The following NME7 variants were observed in gnomAD, a reference collection of about 807,000 sequenced individuals.
The protein encoded by NME7 is NME/NM23 family member 7, also known as nucleoside diphosphate kinase 7.
NME7 carries 41 observed loss-of-function variants against 49.1 expected under a neutral mutation model. That is an observed-to-expected ratio of 0.83 (90% confidence interval 0.65 to 1.08). NME7 has a LOEUF of 1.08. Among genes scored for constraint, NME7 ranks in the 50% least tolerant of loss-of-function variants. The pLI is 0.00. For synonymous variants in NME7, 139 were observed against 150.6 expected, an observed-to-expected ratio of 0.92 and a Z score of 0.56; for missense variants, 423 against 463.4, an observed-to-expected ratio of 0.91 and a Z score of 0.80.
chr1:169,294,309 A>C (rs1219347233), intron 6 of NME7, among the ~76,000 whole-genome samples: 1 of 152,170 alleles, frequency 6.6e-6, no homozygotes, highest in East Asian at 1.9e-4. Context: ...GAAGGAAGAA[A>C]AACCAATTAG....
intron 7 of NME7, among the ~76,000 whole-genome samples, chr1:169,258,346 CA>C (rs200814239): frequency 0.029 from 2,652 of 91,490 alleles, 213 homozygotes; most frequent in African/African-American, 0.085. Flanking sequence ...GACCTTGTCT[CA>C]AAAAAAATAA....
intron 11 of NME7, among the ~76,000 whole-genome samples, chr1:169,153,251 G>A (rs1225293029): frequency 6.6e-6 from 1 of 152,006 alleles, no homozygotes; most frequent in Non-Finnish European, 1.5e-5. Context: ...CATAGTACCT[G>A]GTATATATTG....
intron 7 of NME7, among the ~76,000 whole-genome samples, chr1:169,272,582 A>G (rs1405147351): frequency 7.6e-6 from 1 of 131,616 alleles, no homozygotes; most frequent in Non-Finnish European, 1.8e-5. Context: ...TGCTGAGGAT[A>G]ATGGCTTCCA....
chr1:169,260,852 T>C lies in NME7; in HGVS notation c.755-23165A>G, dbSNP rs1353412130. Among the ~76,000 whole-genome samples the C allele has an allele frequency of 1.5e-5, 2 of 134,010 alleles. 1 individual carries two copies. Among genetic ancestry groups the C allele is most frequent in the Non-Finnish European group, 3.5e-5 (2 of 56,946 alleles). 87.9% of individuals were successfully genotyped at this position (134,010 alleles called of 152,430 possible). On this transcript the variant is annotated intron_variant, in intron 7 of 11. Coordinates refer to ENST00000367811, the MANE Select transcript of NME7 (RefSeq NM_013330.5). Reference sequence around the variant, plus strand: ...AGTTACCATGAGTTCTAAAATGGCATGGTCCTCTAACAGACAAGTGAATGA... The same window carrying C: ...AGTTACCATGAGTTCTAAAATGGCACGGTCCTCTAACAGACAAGTGAATGA...
intron 1 of NME7, among the ~76,000 whole-genome samples, chr1:169,336,728 T>C (rs1258382147): frequency 2.7e-5 from 4 of 149,086 alleles, no homozygotes; most frequent in Non-Finnish European, 5.9e-5. Flanking sequence ...AGATACAGAG[T>C]GTCCATTGGT....
intron 3 of NME7, among the ~76,000 whole-genome samples, chr1:169,315,216 T>C (rs964995865): frequency 4.6e-5 from 7 of 151,972 alleles, no homozygotes; most frequent in African/African-American, 1.7e-4. Context: ...TATAAAACTA[T>C]ACAAAACAAC....
intron 1 of NME7, among the ~76,000 whole-genome samples, chr1:169,350,404 T>C (rs1217283372): frequency 6.6e-6 from 1 of 152,024 alleles, no homozygotes; most frequent in African/African-American, 2.4e-5. Context: ...TCTTTGAAAG[T>C]AGATGGATCC....
intron 10 of NME7, among the ~76,000 whole-genome samples, chr1:169,207,447 T>C (rs1189733319): frequency 6.6e-6 from 1 of 152,062 alleles, no homozygotes; most frequent in African/African-American, 2.4e-5. Context: ...TAGGGGTCTG[T>C]AGACATCAGG....
At chr1:169,199,496 T>G (rs1347239530) in intron 10 of NME7, among the ~76,000 whole-genome samples, 5 of 147,422 alleles carry the variant, frequency 3.4e-5, no homozygotes, top group African/African-American at 1.2e-4. Context: ...ATTATTATTT[T>G]TAAATTGAGA....
intron 6 of NME7, among the ~76,000 whole-genome samples, chr1:169,293,457 C>T (rs1650591460): frequency 6.6e-6 from 1 of 152,110 alleles, no homozygotes; most frequent in Non-Finnish European, 1.5e-5. Context: ...ACTAATCAAT[C>T]TATCCCTTGT....
chr1:169,274,741 T>C (rs1048236841), intron 7 of NME7, among the ~76,000 whole-genome samples: 2 of 133,834 alleles, frequency 1.5e-5, no homozygotes, highest in South Asian at 2.3e-4. Context: ...TCCCATTGCT[T>C]GTTTTTCTCA....
chr1:169,323,023 A>T, intron 3 of NME7, 94 bp downstream of exon 3: 2 of 988,392 alleles, frequency 2.0e-6, no homozygotes, highest in Non-Finnish European at 2.8e-6. Flanking sequence ...GGTCCTATCC[A>T]TCCTCATATG....
At position 169,254,859 on chromosome 1, in the gene NME7, T is replaced by C. The variant is rs1224469416; in HGVS notation, c.755-17172A>G. Among the ~76,000 whole-genome samples, 17 of 130,106 alleles carry C rather than the reference T, an allele frequency of 1.3e-4. 5 individuals carry two copies. Among genetic ancestry groups the C allele is most frequent in the Admixed American group, 8.3e-4 (11 of 13,270 alleles). 85.4% of individuals were successfully genotyped at this position (130,106 alleles called of 152,430 possible). ...TCAGGAGCAGGTTGTTCAGTTTCCA[T>C]GTAGTTGAGCGGTTTTGAGTGAGAT... On this transcript the variant is annotated intron_variant, in intron 7 of 11. Coordinates refer to ENST00000367811, the MANE Select transcript of NME7 (RefSeq NM_013330.5).
At chr1:169,277,586 A>G (rs1649790353) in intron 7 of NME7, among the ~76,000 whole-genome samples, 1 of 85,524 alleles carries the variant, frequency 1.2e-5, no homozygotes, top group African/African-American at 3.9e-5. Context: ...GTGTCTCTGC[A>G]CGTGAGATGG....
chr1:169,292,690 T>A (rs1650550944), intron 6 of NME7, among the ~76,000 whole-genome samples: 3 of 152,156 alleles, frequency 2.0e-5, no homozygotes, highest in South Asian at 4.1e-4. Context: ...TGGAGTACTT[T>A]AAAAATTTTT....
At chr1:169,240,343 T>C (rs1648029674) in intron 7 of NME7, among the ~76,000 whole-genome samples, 1 of 152,020 alleles carries the variant, frequency 6.6e-6, no homozygotes, top group Admixed American at 6.6e-5. Context: ...ATCTCTTTAA[T>C]GTCTCATTTA....
At chr1:169,297,307 A>G (rs1650750065) in intron 6 of NME7, among the ~76,000 whole-genome samples, 2 of 152,140 alleles carry the variant, frequency 1.3e-5, no homozygotes, top group African/African-American at 4.8e-5. Flanking sequence ...AGCCAGAATG[A>G]TCCTTTTAAA....
At chr1:169,239,271 A>T (rs1647987230) in intron 7 of NME7, among the ~76,000 whole-genome samples, 1 of 152,010 alleles carries the variant, frequency 6.6e-6, no homozygotes, top group African/African-American at 2.4e-5. Context: ...ATATATTTAA[A>T]TATTTTCTCT....
chr1:169,273,616 C>A (rs1446190817), intron 7 of NME7, among the ~76,000 whole-genome samples: 2 of 130,562 alleles, frequency 1.5e-5, no homozygotes, highest in South Asian at 2.4e-4. Context: ...CCCCACTCCC[C>A]CTACCCCACA....
Sources: gnomAD v4.1 joint callset for allele counts (sites outside exome capture counted in the v4.1 genomes callset) on GRCh38, gnomAD v4.1.1 for gene constraint, MANE v1.5 for transcripts, NCBI Gene and HGNC (gene_info 2026-07-23, HGNC 2026-07-21) for gene names.